The following ZNF365 variants were observed in gnomAD, a reference collection of about 807,000 sequenced individuals.
ZNF365 encodes zinc finger protein 365.
A neutral mutation model predicts 35.0 loss-of-function variants in ZNF365; 22 were observed. That is an observed-to-expected ratio of 0.63 (90% CI 0.45 to 0.90). The LOEUF is 0.90. ZNF365 is among the 40% of genes least tolerant of loss of function. ZNF365 has a pLI of 0.00. For synonymous variants in ZNF365, 188 were observed against 196.2 expected (o/e 0.96, Z 0.35); for missense variants, 448 against 500.3 (o/e 0.90, Z 1.00).
At chr10:62,391,093 C>T (rs1031380461) in intron 3 of ZNF365, among the ~76,000 whole-genome samples, 3 of 152,114 alleles carry the variant, frequency 2.0e-5, no homozygotes, top group Non-Finnish European at 4.4e-5. Flanking sequence ...ATAAATTAAC[C>T]TTAGCTTACT....
At chr10:62,382,723 G>A (rs554725449) in intron 2 of ZNF365, among the ~76,000 whole-genome samples, 10 of 152,152 alleles carry the variant, frequency 6.6e-5, no homozygotes, top group Non-Finnish European at 1.0e-4. Context: ...CGCAGGAGCC[G>A]ACTCCATGCT....
chr10:62,381,265 G>A (rs1283041649), intron 2 of ZNF365, among the ~76,000 whole-genome samples: 1 of 152,190 alleles, frequency 6.6e-6, no homozygotes, highest in Non-Finnish European at 1.5e-5. Flanking sequence ...CCCCTGAGTA[G>A]ACCAGGTGAT....
chr10:62,392,532 G>A (rs143130970), intron 3 of ZNF365, among the ~76,000 whole-genome samples: 76 of 152,268 alleles, frequency 5.0e-4, no homozygotes, highest in African/African-American at 1.7e-3. Context: ...TTGCCTTGTC[G>A]AAGATCAGTT....
At chr10:62,431,499 CTAATGCT>C (rs1840333902) in intron 3 of ZNF365, among the ~76,000 whole-genome samples, 1 of 32,288 alleles carries the variant, frequency 3.1e-5, no homozygotes, top group South Asian at 1.5e-3. Context: ...TGTTAATAGT[CTAATGCT>C]GTTAATAGTC....
intron 3 of ZNF365, among the ~76,000 whole-genome samples, chr10:62,428,614 T>C (rs1487786277): frequency 6.6e-6 from 1 of 152,164 alleles, no homozygotes; most frequent in Non-Finnish European, 1.5e-5. Flanking sequence ...GGGCAGTTCT[T>C]TACAGCAGCA....
chr10:62,382,702 C>T (rs774778105), intron 2 of ZNF365, among the ~76,000 whole-genome samples: 35 of 152,186 alleles, frequency 2.3e-4, no homozygotes, highest in East Asian at 7.7e-4. Context: ...CCTGTGGTGC[C>T]GGAAAGAGAG....
chr10:62,393,297 A>T (rs964765886), intron 3 of ZNF365, among the ~76,000 whole-genome samples: 2 of 152,264 alleles, frequency 1.3e-5, no homozygotes, highest in African/African-American at 4.8e-5. Context: ...TAGTAAATAC[A>T]CAAACCGGTA....
downstream of ZNF365, among the ~76,000 whole-genome samples, chr10:62,407,328 T>A (rs1839919890): frequency 6.6e-6 from 1 of 152,214 alleles, no homozygotes; most frequent in Non-Finnish European, 1.5e-5. Flanking sequence ...AACTGCTGTA[T>A]AGATAAAAAC....
At chr10:62,455,356 A>C (rs934779518) in intron 3 of ZNF365, among the ~76,000 whole-genome samples, 3 of 152,220 alleles carry the variant, frequency 2.0e-5, no homozygotes, top group African/African-American at 7.2e-5. Flanking sequence ...CAGCAAAAGC[A>C]AATGATCCAG....
chr10:62,400,711 G>T lies in ZNF365; in HGVS notation c.*922G>T. 1.0e-6 allele frequency: 1 copy of T among 985,612 alleles called. No homozygotes were observed. Among genetic ancestry groups the T allele is most frequent in the Non-Finnish European group, 1.2e-6 (1 of 830,030 alleles). The allele number at this position is 985,612 out of a possible 1,614,324, so 61.1% of individuals were successfully genotyped here. ...AGCCCTTTCCTAAGACCTGCTTCCCGGCCAGTGTCAGTGGCCCTCTCTCTC... is the reference window on the plus strand; with the variant it reads ...AGCCCTTTCCTAAGACCTGCTTCCCTGCCAGTGTCAGTGGCCCTCTCTCTC... On this transcript the variant is annotated 3_prime_UTR_variant, in exon 5 of 5. Transcript: ENST00000395254.
chr10:62,448,451 A>T (rs573834875), intron 3 of ZNF365, among the ~76,000 whole-genome samples: 48 of 152,306 alleles, frequency 3.2e-4, no homozygotes, highest in East Asian at 1.4e-3. Flanking sequence ...GCTGAGAGAT[A>T]AAAATAATGT....
chr10:62,400,681 C>T lies in ZNF365; in HGVS notation c.*892C>T, dbSNP rs375881912. On this transcript the variant is annotated 3_prime_UTR_variant, in exon 5 of 5. Coordinates refer to ENST00000395254, the MANE Select transcript of ZNF365 (RefSeq NM_014951.3). ...ACCATCCTGGAAGCACTGCGGGTGT[C>T]GCCAAGCCCTTTCCTAAGACCTGCT... 53 of 985,576 alleles carry T rather than the reference C, an allele frequency of 5.4e-5. No individual in the cohort carries two copies. The highest frequency in any genetic ancestry group is 6.2e-5 in the Admixed American group (1 of 16,258). 61.1% of individuals were successfully genotyped at this position (985,576 alleles called of 1,614,324 possible).
chr10:62,397,185 T>C (rs1839742620), intron 3 of ZNF365, among the ~76,000 whole-genome samples: 3 of 152,228 alleles, frequency 2.0e-5, no homozygotes, highest in Admixed American at 2.0e-4. Context: ...CTAGCCTGCA[T>C]GAGCAGGCTC....
intron 1 of ZNF365, among the ~76,000 whole-genome samples, chr10:62,375,190 A>T (rs545026592): frequency 6.6e-6 from 1 of 152,328 alleles, no homozygotes; most frequent in South Asian, 2.1e-4. Flanking sequence ...GGTTGCCAAC[A>T]GTCATCTGTT....
rs1285304776 is a variant in ZNF365 at position 62,378,969 on chromosome 10, T to C, written c.743+2033T>C. On this transcript the variant is annotated intron_variant, in intron 2 of 4. Transcript: ENST00000395254. ...AGAAATAGTGCCTTGGTTATTATCC[T>C]TGTACATGTTTGTTCACATTTTTGT... 2.6e-5 allele frequency among the ~76,000 whole-genome samples: 4 copies of C among 152,194 alleles called. No individual in the cohort carries two copies. In the East Asian group the frequency reaches 7.7e-4, roughly 29 times the overall value.
chr10:62,471,384 A>G (rs1208885194), intron 4 of ZNF365, among the ~76,000 whole-genome samples: 1 of 151,452 alleles, frequency 6.6e-6, no homozygotes, highest in Non-Finnish European at 1.5e-5. Context: ...AAAAAAAAAA[A>G]TAGGTATTCT....
chr10:62,391,016 ACTGTAGACTTTAT>A (rs879536614), intron 3 of ZNF365, among the ~76,000 whole-genome samples: 1,537 of 152,316 alleles, frequency 0.01, 26 homozygotes, highest in African/African-American at 0.035. Context: ...ACTGTACACT[ACTGTAGACTTTAT>A]GAACACTGTA....
intron 3 of ZNF365, among the ~76,000 whole-genome samples, chr10:62,441,328 T>C (rs1840498000): frequency 6.6e-6 from 1 of 152,202 alleles, no homozygotes; most frequent in South Asian, 2.1e-4. Context: ...CATGAAGCCT[T>C]CTTTGACTTT....
rs1839814422 is a variant in ZNF365, at chr10:62,400,739, T to C, written c.*950T>C. On this transcript the variant is annotated 3_prime_UTR_variant, in exon 5 of 5. Coordinates refer to ENST00000395254, the MANE Select transcript of ZNF365 (RefSeq NM_014951.3). The stretch of plus-strand genomic sequence containing the variant: ...CAGTGTCAGTGGCCCTCTCTCTCTC[T>C]GCTATGGGCATGACTTTCTCTTCGC... 1.0e-6 allele frequency: 1 copy of C among 985,570 alleles called. No individual in the cohort carries two copies. The highest frequency in any genetic ancestry group is 1.7e-5 in the African/African-American group (1 of 57,234). 61.1% of individuals were successfully genotyped at this position (985,570 alleles called of 1,614,324 possible). A position where few individuals can be genotyped will look rare whatever the true frequency, so the allele number is the denominator to read the frequency against.
Sources: gnomAD v4.1 joint callset for allele counts (sites outside exome capture counted in the v4.1 genomes callset) on GRCh38, gnomAD v4.1.1 for gene constraint, MANE v1.5 for transcripts, NCBI Gene and HGNC (gene_info 2026-07-23, HGNC 2026-07-21) for gene names.